The following TSPAN9 variants were observed in gnomAD, a reference collection of about 807,000 sequenced individuals.
The protein encoded by TSPAN9 is tetraspanin 9, also known as tetraspanin-9.
A neutral mutation model predicts 31.0 loss-of-function variants in TSPAN9; 16 were observed. The ratio of observed to expected loss-of-function variants is 0.52; its 90% CI spans 0.35 to 0.78. The LOEUF (loss-of-function observed/expected upper bound fraction) is 0.78, where lower values mean the gene tolerates loss of function less well. Among genes scored for constraint, TSPAN9 ranks in the 30% least tolerant of loss-of-function variants. The pLI is 0.01. For synonymous variants in TSPAN9, 145 were observed against 121.6 expected, an observed-to-expected ratio of 1.19 and a Z score of -1.27; for missense variants, 272 against 312.5, an observed-to-expected ratio of 0.87 and a Z score of 0.98.
intron 3 of TSPAN9, among the ~76,000 whole-genome samples, chr12:3,242,302 C>T (rs963728185): frequency 5.3e-5 from 8 of 152,356 alleles, no homozygotes; most frequent in South Asian, 4.1e-4. Context: ...CTCTGCCACC[C>T]GCCCTGCTCT....
At position 3,108,832 on chromosome 12, in the gene TSPAN9, C is replaced by T. The variant is rs1357891330; in HGVS notation, c.-18+25113C>T. 2.6e-5 allele frequency among the ~76,000 whole-genome samples: 4 copies of T among 151,786 alleles called. No individual in the cohort carries two copies. The East Asian group carries it at 5.8e-4, about 22-fold the overall frequency. ...TTTTAATTTCAAGAAATTTTGTTTT[C>T]GAAGTATTTGTCTTTTATAGCACCC... On this transcript the variant is annotated intron_variant, in intron 2 of 8. Coordinates refer to ENST00000011898, the MANE Select transcript of TSPAN9 (RefSeq NM_006675.5).
At chr12:3,118,718 C>G (rs1225226752) in intron 2 of TSPAN9, among the ~76,000 whole-genome samples, 3 of 152,180 alleles carry the variant, frequency 2.0e-5, no homozygotes, top group African/African-American at 7.2e-5. Flanking sequence ...GTGGGTCTCT[C>G]CCACTCCCAG....
chr12:3,224,386 G>A (rs1203273645), intron 3 of TSPAN9, among the ~76,000 whole-genome samples: 4 of 152,242 alleles, frequency 2.6e-5, no homozygotes, highest in Non-Finnish European at 4.4e-5. Flanking sequence ...TCTGTGGAGC[G>A]TCAGAGAGGG....
In TSPAN9 at chr12:3,105,417, A is replaced by AT. The variant is rs1480171589; in HGVS notation, c.-18+21703dup. 2.9e-5 allele frequency among the ~76,000 whole-genome samples: 4 copies of AT among 139,314 alleles called. No homozygotes were observed. In the East Asian group the frequency reaches 8.3e-4, roughly 29 times the overall value. The allele number at this position is 139,314 out of a possible 152,430, so 91.4% of individuals were successfully genotyped here. On this transcript the variant is annotated intron_variant, in intron 2 of 8. Coordinates refer to ENST00000011898, the MANE Select transcript of TSPAN9 (RefSeq NM_006675.5). ...TGCTCCCTGAGGAAGTAAGGAAGAT[A>AT]TTTTTCCTTGTCTTAAAAAAAAAAA... is the stretch of plus-strand genomic sequence containing the variant.
chr12:3,278,386 C>A, intron 3 of TSPAN9, 35 bp from the exon 4 acceptor site: 4 of 1,608,880 alleles, frequency 2.5e-6, no homozygotes, highest in Non-Finnish European at 3.4e-6. Flanking sequence ...AATGTGAGAG[C>A]AGCGCCAGGC....
At chr12:3,262,270 A>G (rs1049016614) in intron 3 of TSPAN9, among the ~76,000 whole-genome samples, 8 of 151,852 alleles carry the variant, frequency 5.3e-5, no homozygotes, top group Non-Finnish European at 8.8e-5. Context: ...GCCAGCCTGT[A>G]TCTCAAAAGT....
chr12:3,109,923 A>G (rs1209333652), intron 2 of TSPAN9, among the ~76,000 whole-genome samples: 2 of 152,108 alleles, frequency 1.3e-5, no homozygotes, highest in Non-Finnish European at 2.9e-5. Context: ...TTGGCTTGTG[A>G]AAGCTGAATC....
intron 2 of TSPAN9, among the ~76,000 whole-genome samples, chr12:3,178,188 A>G (rs966136610): frequency 1.3e-5 from 2 of 151,970 alleles, no homozygotes; most frequent in Admixed American, 6.6e-5. Flanking sequence ...TCCACTCCCC[A>G]TACAGTGCTT....
chr12:3,202,292 G>GCTGCCCA (rs1236270458), intron 3 of TSPAN9, among the ~76,000 whole-genome samples: 1 of 152,220 alleles, frequency 6.6e-6, no homozygotes, highest in African/African-American at 2.4e-5. Flanking sequence ...GAGGCTGTCA[G>GCTGCCCA]CTGCCCACTG....
intron 2 of TSPAN9, among the ~76,000 whole-genome samples, chr12:3,161,325 T>C (rs974118767): frequency 1.3e-5 from 2 of 152,240 alleles, no homozygotes; most frequent in African/African-American, 4.8e-5. Context: ...AAACCCAAGG[T>C]CACAAAGAGT....
At chr12:3,078,015 G>A (rs1012290028) in intron 1 of TSPAN9, among the ~76,000 whole-genome samples, 2 of 152,138 alleles carry the variant, frequency 1.3e-5, no homozygotes, top group African/African-American at 4.8e-5. Context: ...CTTTCTTGTG[G>A]TTTTTAAAAA....
chr12:3,140,306 T>C (rs899629384), intron 2 of TSPAN9, among the ~76,000 whole-genome samples: 1 of 152,012 alleles, frequency 6.6e-6, no homozygotes, highest in African/African-American at 2.4e-5. Flanking sequence ...CAAGGAAACT[T>C]GTAGGGATTT....
intron 2 of TSPAN9, among the ~76,000 whole-genome samples, chr12:3,176,948 G>A (rs1442549517): frequency 6.6e-6 from 1 of 152,230 alleles, no homozygotes; most frequent in Non-Finnish European, 1.5e-5. Flanking sequence ...CCGCATTAGC[G>A]GGAAGAGTAC....
intron 2 of TSPAN9, among the ~76,000 whole-genome samples, chr12:3,105,738 ACACACACACT>A (rs1220781422): frequency 1.5e-5 from 2 of 133,720 alleles, no homozygotes; most frequent in African/African-American, 5.1e-5. Context: ...ACGCGCGTGC[ACACACACACT>A]CACACACACG....
intron 2 of TSPAN9, among the ~76,000 whole-genome samples, chr12:3,132,031 T>C (rs1038641700): frequency 1.3e-5 from 2 of 152,234 alleles, no homozygotes; most frequent in Non-Finnish European, 2.9e-5. Flanking sequence ...GTATGTGGCC[T>C]TCTGTGTCTG....
intron 2 of TSPAN9, among the ~76,000 whole-genome samples, chr12:3,122,294 C>G (rs2098325480): frequency 7.5e-6 from 1 of 133,152 alleles, no homozygotes; most frequent in African/African-American, 2.8e-5. Context: ...GCACTCCAGC[C>G]TGGGCGACAG....
chr12:3,109,215 T>C (rs144619278), intron 2 of TSPAN9, among the ~76,000 whole-genome samples: 4,372 of 150,880 alleles, frequency 0.029, 167 homozygotes, highest in African/African-American at 0.09. Flanking sequence ...GGATTACAGG[T>C]GTGAGCCACC....
intron 3 of TSPAN9, among the ~76,000 whole-genome samples, chr12:3,226,714 ATGTATGTGTG>A (rs2098387468): frequency 8.9e-4 from 4 of 4,502 alleles, no homozygotes; most frequent in African/African-American, 2.4e-3. Flanking sequence ...GTGTATGTGT[ATGTATGTGTG>A]TGTGTGTGTG....
intron 2 of TSPAN9, among the ~76,000 whole-genome samples, chr12:3,140,439 G>A (rs951149560): frequency 1.3e-5 from 2 of 151,874 alleles, no homozygotes; most frequent in African/African-American, 2.4e-5. Flanking sequence ...GCACTGGCCC[G>A]GGATGGACGG....
Sources: allele counts gnomAD v4.1 joint callset (sites outside exome capture counted in the v4.1 genomes callset), GRCh38; gene constraint gnomAD v4.1.1; transcripts MANE v1.5; gene names NCBI Gene and HGNC (gene_info 2026-07-23, HGNC 2026-07-21).